The following ALOXE3 variants were observed in gnomAD, a reference collection of about 807,000 sequenced individuals.
ALOXE3 encodes arachidonate epidermal lipoxygenase 3, also known as hydroperoxide isomerase ALOXE3.
A neutral mutation model predicts 87.5 loss-of-function variants in ALOXE3; 78 were observed. The observed-to-expected ratio is 0.89, with a 90% CI of 0.74 to 1.08. The LOEUF is 1.08. Ranked by LOEUF, ALOXE3 falls within the 50% of genes least tolerant of loss-of-function variation. The probability of loss-of-function intolerance (pLI) is 0.00; values close to 1 mark genes in which losing one functional copy is unlikely to be tolerated. For synonymous variants in ALOXE3, 363 were observed against 370.8 expected (o/e 0.98, Z 0.24); for missense variants, 946 against 912.4 (o/e 1.04, Z -0.47).
chr17:8,108,695 G>T, intron 12 of ALOXE3, 106 bp from the exon 13 acceptor site: 1 of 1,531,462 alleles, frequency 6.5e-7, no homozygotes, highest in South Asian at 1.1e-5. Flanking sequence ...GATAGCCATG[G>T]GGGTTCAGCA....
chr17:8,117,116 T>G, intron 2 of ALOXE3, 136 bp from the exon 3 acceptor site: 1 of 829,078 alleles, frequency 1.2e-6, no homozygotes, highest in Non-Finnish European at 1.9e-6. Flanking sequence ...ACCGGGCTTT[T>G]GTATGAATTA....
intron 15 of ALOXE3, among the ~76,000 whole-genome samples, chr17:8,099,017 G>GTTTT (rs1327192940): frequency 8.6e-6 from 1 of 116,608 alleles, no homozygotes. Context: ...TGCCCGGCTA[G>GTTTT]TTTTCTTTTT....
chr17:8,113,660 C>CAACA (rs112990654), intron 6 of ALOXE3, among the ~76,000 whole-genome samples: 8,986 of 151,324 alleles, frequency 0.059, 886 homozygotes, highest in African/African-American at 0.2. Context: ...CTCAAAACAA[C>CAACA]AACAACAACA....
At chr17:8,098,248 T>G (rs1209683664) in intron 15 of ALOXE3, among the ~76,000 whole-genome samples, 1 of 141,110 alleles carries the variant, frequency 7.1e-6, no homozygotes. Context: ...TTTTTTTTTT[T>G]TTTTTTTTGA....
chr17:8,113,738 A>G (rs1369512842), intron 6 of ALOXE3, among the ~76,000 whole-genome samples: 2 of 149,872 alleles, frequency 1.3e-5, no homozygotes, highest in Admixed American at 6.7e-5. Context: ...ATGTATAAAG[A>G]TGTGTGGGCT....
rs564883294 is a variant in ALOXE3, at chr17:8,097,772, G to T, written c.1957-966C>A. On this transcript the variant is annotated intron_variant, in intron 15 of 15. Transcript: ENST00000448843. Reference sequence around the variant, plus strand: ...CTTTTTTTTTTTTTTTTTTGAGACAGAGTCTCGCACTGTCGCCCAGGTTGG... The same window carrying T: ...CTTTTTTTTTTTTTTTTTTGAGACATAGTCTCGCACTGTCGCCCAGGTTGG... 4.3e-5 allele frequency among the ~76,000 whole-genome samples: 6 copies of T among 139,620 alleles called. No individual in the cohort carries two copies. The East Asian group carries it at 1.3e-3, about 29-fold the overall frequency. The allele number at this position is 139,620 out of a possible 152,430, so 91.6% of individuals were successfully genotyped here.
At chr17:8,118,358 A>G (rs1256023592) in intron 1 of ALOXE3, 55 bp from the exon 2 acceptor site, 5 of 1,551,544 alleles carry the variant, frequency 3.2e-6, no homozygotes, top group African/African-American at 1.4e-5. Context: ...ACGCCTGTAT[A>G]ATTGGGACAC....
intron 15 of ALOXE3, among the ~76,000 whole-genome samples, chr17:8,100,146 G>A (rs1978833995): frequency 6.6e-6 from 1 of 151,746 alleles, no homozygotes; most frequent in African/African-American, 2.4e-5. Flanking sequence ...AGAGGGGGGA[G>A]GGAGGGACGG....
chr17:8,110,786 C>G (rs902518189), intron 8 of ALOXE3, among the ~76,000 whole-genome samples: 1 of 152,196 alleles, frequency 6.6e-6, no homozygotes, highest in African/African-American at 2.4e-5. Flanking sequence ...TCACCTCATA[C>G]CTAGTCCTTC....
At chr17:8,105,818 G>C (rs1264650834) in intron 13 of ALOXE3, among the ~76,000 whole-genome samples, 3 of 150,806 alleles carry the variant, frequency 2.0e-5, no homozygotes, top group Non-Finnish European at 4.4e-5. Flanking sequence ...GGGAGGCTGA[G>C]GCATGAGGAT....
chr17:8,103,293 C>T, intron 15 of ALOXE3, 30 bp downstream of exon 15: 3 of 1,612,500 alleles, frequency 1.9e-6, no homozygotes, highest in Non-Finnish European at 2.5e-6. Context: ...CCTAAAGAAC[C>T]CTACTCCCCT....
intron 11 of ALOXE3, 33 bp downstream of exon 11, chr17:8,109,883 G>A (rs916603912): frequency 9.1e-6 from 14 of 1,538,670 alleles, no homozygotes; most frequent in African/African-American, 1.4e-5. Context: ...GTCTTCGGGG[G>A]CGGAGATCAG....
chr17:8,117,905 G>A lies in ALOXE3; in HGVS notation c.86C>T (p.Thr29Met), dbSNP rs937644929. The change falls in exon 2 of 16, where the codon ACG becomes ATG. Residue 29 changes from threonine to methionine, a missense_variant. Thr to Met is a moderately conservative substitution (Grantham distance 81). Coordinates refer to ENST00000448843, the MANE Select transcript of ALOXE3 (RefSeq NM_021628.3). Reference sequence around the variant, plus strand: ...CCGCTGCTTGGGGCTTTCACCACACGTGCCCACCAGTGTGACAGAGATGTT... The same window carrying A: ...CCGCTGCTTGGGGCTTTCACCACACATGCCCACCAGTGTGACAGAGATGTT... ...LDNISVTLVG[T>M]CGESPKQRLD... 2 of 1,612,076 alleles carry A rather than the reference G, an allele frequency of 1.2e-6. No homozygotes were observed. Among genetic ancestry groups the A allele is most frequent in the Admixed American group, 3.3e-5 (2 of 59,834 alleles).
At chr17:8,118,789 C>G, upstream of ALOXE3, 2 of 1,537,144 alleles carry the variant, frequency 1.3e-6, no homozygotes, top group Non-Finnish European at 1.7e-6. Context: ...TCTTTCCGCT[C>G]CAGGACCGCC....
chr17:8,108,399 G>A, intron 13 of ALOXE3, 69 bp downstream of exon 13: 1 of 1,591,402 alleles, frequency 6.3e-7, no homozygotes, highest in Non-Finnish European at 8.6e-7. Context: ...TAACTGATGG[G>A]AGTAGGGTGT....
chr17:8,104,133 A>G lies in ALOXE3; in HGVS notation c.1767T>C (p.Ala589=). The G allele has an allele frequency of 6.2e-7, 1 of 1,613,846 alleles. No homozygotes were observed. Among genetic ancestry groups the G allele is most frequent in the Non-Finnish European group, 8.5e-7 (1 of 1,179,930 alleles). Reference sequence around the variant, plus strand: ...GCCTCACCTGCCCACTGTTGACAGCAGCGTGCTGGGCAGAGCAATTGAAGA... The same window carrying G: ...GCCTCACCTGCCCACTGTTGACAGCGGCGTGCTGGGCAGAGCAATTGAAGA... ...AIIFNCSAQH[A]AVNSGQHDFG... is the part of the protein sequence containing the mutation. The change falls in exon 14 of 16, where the codon GCT becomes GCC. Residue 589 remains alanine (A), a synonymous_variant. Transcript: ENST00000448843.
intron 12 of ALOXE3, 25 bp from the exon 13 acceptor site, chr17:8,108,614 A>G: frequency 6.2e-7 from 1 of 1,605,632 alleles, no homozygotes; most frequent in Non-Finnish European, 8.5e-7. Context: ...TGCTGGTACC[A>G]CTGGAGTAAC....
In ALOXE3 at chr17:8,108,528, C is replaced by A; in HGVS notation, c.1624G>T (p.Glu542Ter). The A allele has an allele frequency of 6.2e-7, 1 of 1,613,620 alleles. No homozygotes were observed. The change falls in exon 13 of 16, where the codon GAG becomes TAG. Residue 542 changes from glutamate to a stop codon, truncating the protein, a stop_gained. Coordinates refer to ENST00000448843, the MANE Select transcript of ALOXE3 (RefSeq NM_021628.3). LOFTEE classifies it high-confidence loss of function. ...PSDASVQQDS[E>*]LQAWTGEIFA... ...ATCTCGCCAGTCCAGGCCTGCAGCTCCGAATCCTGCTGCACAGATGCGTCA... is the reference window on the plus strand; with the variant it reads ...ATCTCGCCAGTCCAGGCCTGCAGCTACGAATCCTGCTGCACAGATGCGTCA...
chr17:8,097,668 C>T (rs769430560), intron 15 of ALOXE3, among the ~76,000 whole-genome samples: 5 of 152,078 alleles, frequency 3.3e-5, no homozygotes, highest in African/African-American at 7.2e-5. Flanking sequence ...ATCACGACAA[C>T]GCAGAGGTCC....
Sources: allele counts gnomAD v4.1 joint callset (sites outside exome capture counted in the v4.1 genomes callset), GRCh38; gene constraint gnomAD v4.1.1; transcripts MANE v1.5; gene names NCBI Gene and HGNC (gene_info 2026-07-23, HGNC 2026-07-21).